The following DIAPH2 variants were observed in gnomAD, a reference collection of about 807,000 sequenced individuals.
DIAPH2 encodes the protein diaphanous related formin 2.
In DIAPH2, 35 loss-of-function variants were observed where a neutral mutation model predicts 92.7. That is an observed-to-expected ratio of 0.38 (90% CI 0.29 to 0.50). The LOEUF is 0.50. Among genes scored for constraint, DIAPH2 ranks in the 20% least tolerant of loss-of-function variants. The probability of loss-of-function intolerance (pLI) is 0.94; values close to 1 mark genes in which losing one functional copy is unlikely to be tolerated. For synonymous variants in DIAPH2, 301 were observed against 280.4 expected, an observed-to-expected ratio of 1.07 and a Z score of -0.73; for missense variants, 701 against 819.5, an observed-to-expected ratio of 0.86 and a Z score of 1.77.
chrX:96,978,504 A>C (rs2065975613), intron 17 of DIAPH2, among the ~76,000 whole-genome samples: 1 of 110,524 alleles, frequency 9.0e-6, no homozygotes, highest in South Asian at 3.8e-4. Flanking sequence ...AGGAAATTCA[A>C]AATTATAACA....
At chrX:96,749,600 C>A (rs1216019051) in intron 3 of DIAPH2, among the ~76,000 whole-genome samples, 5 of 111,796 alleles carry the variant, frequency 4.5e-5, no homozygotes, top group Non-Finnish European at 7.5e-5. Context: ...CCTGCTGAAC[C>A]ATGACTAGTA....
rs1041397032 is a variant in DIAPH2, at chrX:97,020,432, A to G, written c.2051-52509A>G. ...TTATCCACAGGGGGATATAAAACCC[A>G]CAATGAAACTGCGGATAGTACCGAA... On this transcript the variant is annotated intron_variant, in intron 17 of 26. Coordinates refer to ENST00000324765, the MANE Select transcript of DIAPH2 (RefSeq NM_006729.5). 4.5e-5 allele frequency among the ~76,000 whole-genome samples: 5 copies of G among 112,322 alleles called. No individual in the cohort carries two copies. The South Asian group carries it at 1.9e-3, about 42-fold the overall frequency.
intron 4 of DIAPH2, among the ~76,000 whole-genome samples, chrX:96,815,679 T>C (rs1399461763): frequency 2.7e-5 from 3 of 111,172 alleles, no homozygotes; most frequent in Non-Finnish European, 5.7e-5. Context: ...GTTTTTTTCT[T>C]TTTTTTGAGA....
chrX:96,760,523 C>T lies in DIAPH2; in HGVS notation c.447+2265C>T, dbSNP rs765059558. Reference sequence around the variant, plus strand: ...TGTGAGAATTGTAGTGAAATTTAAACGTAAATCATACATTTTCCCCGTTTA... The same window carrying T: ...TGTGAGAATTGTAGTGAAATTTAAATGTAAATCATACATTTTCCCCGTTTA... On this transcript the variant is annotated intron_variant, in intron 4 of 26. Transcript: ENST00000324765. Among the ~76,000 whole-genome samples, 8 of 110,845 alleles carry T rather than the reference C, an allele frequency of 7.2e-5. No homozygotes were observed. The South Asian group carries it at 1.5e-3, about 21-fold the overall frequency.
At chrX:97,174,067 TATA>T (rs1249499148) in intron 22 of DIAPH2, among the ~76,000 whole-genome samples, 4 of 77,125 alleles carry the variant, frequency 5.2e-5, no homozygotes, top group African/African-American at 7.0e-5. Flanking sequence ...ATATAATAAT[TATA>T]TTATATAATT....
At chrX:96,762,615 T>C (rs1167450435) in intron 4 of DIAPH2, among the ~76,000 whole-genome samples, 5 of 110,870 alleles carry the variant, frequency 4.5e-5, no homozygotes, top group Non-Finnish European at 7.6e-5. Context: ...CTAAAATACC[T>C]TAATAGTATA....
chrX:97,075,964 A>G (rs1228883494), intron 19 of DIAPH2, among the ~76,000 whole-genome samples: 1 of 111,805 alleles, frequency 8.9e-6, no homozygotes, highest in Non-Finnish European at 1.9e-5. Flanking sequence ...TCCATGAACA[A>G]ACTGTTTAAT....
chrX:97,226,765 G>C (rs942961130), intron 22 of DIAPH2, among the ~76,000 whole-genome samples: 15 of 112,066 alleles, frequency 1.3e-4, no homozygotes, highest in Non-Finnish European at 2.1e-4. Context: ...CAGCAGAAAT[G>C]TTTGTGTATT....
At chrX:97,254,289 C>T (rs993032175) in intron 23 of DIAPH2, among the ~76,000 whole-genome samples, 1 of 110,534 alleles carries the variant, frequency 9.0e-6, no homozygotes, top group Non-Finnish European at 1.9e-5. Flanking sequence ...GTCAGAAGTT[C>T]GAGACCAGCC....
At position 96,825,715 on chromosome X, in the gene DIAPH2, T is replaced by A. The variant is rs748955239; in HGVS notation, c.448-55864T>A. 2.7e-5 allele frequency among the ~76,000 whole-genome samples: 3 copies of A among 111,755 alleles called. No individual in the cohort carries two copies. The South Asian group carries it at 1.1e-3, about 43-fold the overall frequency. On this transcript the variant is annotated intron_variant, in intron 4 of 26. Coordinates refer to ENST00000324765, the MANE Select transcript of DIAPH2 (RefSeq NM_006729.5). The stretch of plus-strand genomic sequence containing the variant: ...TTTCGTTATTACCTACTCTAGTCAC[T>A]CCTCATCTGCCTTCTATGTAGTCCT...
At chrX:97,140,593 C>A (rs1466830228) in intron 21 of DIAPH2, among the ~76,000 whole-genome samples, 1 of 111,860 alleles carries the variant, frequency 8.9e-6, no homozygotes, top group Admixed American at 9.5e-5. Context: ...ACTAATATTT[C>A]TTCTAAGTTG....
chrX:96,843,705 C>T (rs1488889645), intron 4 of DIAPH2, among the ~76,000 whole-genome samples: 1 of 111,723 alleles, frequency 9.0e-6, no homozygotes, highest in African/African-American at 3.3e-5. Context: ...CCCCACTACA[C>T]AGGAATTCAA....
intron 4 of DIAPH2, among the ~76,000 whole-genome samples, chrX:96,800,444 C>A (rs2064574000): frequency 8.9e-6 from 1 of 111,845 alleles, no homozygotes; most frequent in African/African-American, 3.2e-5. Context: ...TGGGTTACTG[C>A]CAGCACCCCT....
At chrX:97,303,021 A>G (rs1022815470) in intron 23 of DIAPH2, among the ~76,000 whole-genome samples, 2 of 112,542 alleles carry the variant, frequency 1.8e-5, no homozygotes, top group Admixed American at 1.9e-4. Flanking sequence ...GCATAAGCAA[A>G]TGATGTGAGG....
chrX:97,000,652 C>T (rs778771237), intron 17 of DIAPH2, among the ~76,000 whole-genome samples: 7 of 107,231 alleles, frequency 6.5e-5, no homozygotes, highest in African/African-American at 1.0e-4. Flanking sequence ...CACACACACA[C>T]GTATGTCTAC....
chrX:96,686,421 A>G (rs944089877), intron 1 of DIAPH2, among the ~76,000 whole-genome samples: 1 of 111,319 alleles, frequency 9.0e-6, no homozygotes, highest in Non-Finnish European at 1.9e-5. Flanking sequence ...CTCTGTTAGT[A>G]GTAACACCTT....
intron 26 of DIAPH2, among the ~76,000 whole-genome samples, chrX:97,501,261 C>G: frequency 9.0e-6 from 1 of 111,232 alleles, no homozygotes; most frequent in East Asian, 2.8e-4. Context: ...AGAACAGTGG[C>G]TGAAAATCAG....
intron 23 of DIAPH2, among the ~76,000 whole-genome samples, chrX:97,250,368 A>C (rs1440603440): frequency 8.9e-6 from 1 of 112,109 alleles, no homozygotes; most frequent in African/African-American, 3.2e-5. Flanking sequence ...TCAGAACAGC[A>C]ACAATGCTGT....
At chrX:97,584,900 G>A (rs964852761) in intron 26 of DIAPH2, among the ~76,000 whole-genome samples, 2 of 112,593 alleles carry the variant, frequency 1.8e-5, no homozygotes, top group Admixed American at 1.9e-4. Flanking sequence ...ATCATGTCCT[G>A]AAGACGGTAC....
Sources: allele counts gnomAD v4.1 joint callset (sites outside exome capture counted in the v4.1 genomes callset), GRCh38; gene constraint gnomAD v4.1.1; transcripts MANE v1.5; gene names NCBI Gene and HGNC (gene_info 2026-07-23, HGNC 2026-07-21).